Variants in TBC1D9 observed in about 807,000 individuals in gnomAD.
The protein encoded by TBC1D9 is TBC1 domain family member 9A.
A neutral mutation model predicts 132.0 loss-of-function variants in TBC1D9; 63 were observed. That is an observed-to-expected ratio of 0.48 (90% CI 0.39 to 0.59). TBC1D9 has a LOEUF of 0.59. TBC1D9 is among the 20% of genes least tolerant of loss of function. TBC1D9 has a pLI of 0.00. For missense variants in TBC1D9, 1,261 were observed against 1,592.7 expected (o/e 0.79, Z 3.54); for synonymous variants, 610 against 609.9 (o/e 1.00, Z 0.00).
chr4:140,648,710 G>A (rs1049526262), intron 13 of TBC1D9, among the ~76,000 whole-genome samples: 4 of 152,090 alleles, frequency 2.6e-5, no homozygotes, highest in South Asian at 2.1e-4. Flanking sequence ...CAAAGCAGAC[G>A]GTACTTCTTT....
Position 140,624,127 on chromosome 4 carries a change from T to G in TBC1D9, c.3067A>C (p.Lys1023Gln), listed in dbSNP as rs763762877. ...SKSKNAKDLPKLNQGQFIELC... is the reference protein window; with the variant it reads ...SKSKNAKDLPQLNQGQFIELC... ...CTTTAAGCACTTACCTGATTTAATT[T>G]GGGTAAATCCTTTGCATTCTTTGAC... The change falls in exon 20 of 21, where the codon AAA (lysine) becomes CAA (glutamine). Residue 1023 changes from lysine (K) to glutamine (Q), a missense_variant. This residue lies in a region of TBC1D9 where 618 missense variants were observed against 724.4 expected (regional missense o/e 0.85). Transcript: ENST00000442267. 1.3e-5 allele frequency: 21 copies of G among 1,606,246 alleles called. No homozygotes were observed. The African/African-American group carries it at 1.3e-4, about 10-fold the overall frequency.
At chr4:140,635,879 G>A (rs934707216) in intron 15 of TBC1D9, among the ~76,000 whole-genome samples, 3 of 152,200 alleles carry the variant, frequency 2.0e-5, no homozygotes, top group Non-Finnish European at 4.4e-5. Flanking sequence ...TGAGGTCAGA[G>A]TGGCCTGCTG....
At chr4:140,709,248 T>TCACACACACA (rs36222926) in intron 1 of TBC1D9, among the ~76,000 whole-genome samples, 125 of 104,186 alleles carry the variant, frequency 1.2e-3, no homozygotes, top group African/African-American at 5.2e-3. Context: ...TCTCTCTCTC[T>TCACACACACA]CACACACACA....
At chr4:140,697,010 C>T (rs1737970066) in intron 2 of TBC1D9, among the ~76,000 whole-genome samples, 1 of 152,066 alleles carries the variant, frequency 6.6e-6, no homozygotes, top group Non-Finnish European at 1.5e-5. Context: ...AAGGGAGAAG[C>T]TTCTGCTCTT....
chr4:140,719,101 C>T (rs1738383115), intron 1 of TBC1D9, among the ~76,000 whole-genome samples: 1 of 149,458 alleles, frequency 6.7e-6, no homozygotes, highest in Non-Finnish European at 1.5e-5. Flanking sequence ...GGCGACAGAG[C>T]AGGACTCCAT....
At chr4:140,689,460 TCCC>T (rs1737840588) in intron 2 of TBC1D9, among the ~76,000 whole-genome samples, 1 of 9,990 alleles carries the variant, frequency 1.0e-4, no homozygotes, top group Non-Finnish European at 1.9e-4. Flanking sequence ...CTTCCCCCCT[TCCC>T]TTCCCTTCCC....
Position 140,701,562 on chromosome 4 carries a change from A to C in TBC1D9, c.183T>G (p.Ala61=), listed in dbSNP as rs1174195577. 7 of 1,613,818 alleles carry C rather than the reference A, an allele frequency of 4.3e-6. No individual in the cohort carries two copies. In the African/African-American group the frequency reaches 9.3e-5, roughly 22 times the overall value. ...GAGTCTGGTACAAGATTCGGTAAGG[A>C]GCGACCCGGGCGCTGGAGTCCAACA... ...DVVLDSSARV[A]PYRILYQTPD... The change falls in exon 2 of 21, where the codon GCT becomes GCG. Residue 61 remains alanine, a synonymous_variant. Coordinates refer to ENST00000442267, the MANE Select transcript of TBC1D9 (RefSeq NM_015130.3).
At chr4:140,646,925 G>T (rs937686313) in intron 13 of TBC1D9, among the ~76,000 whole-genome samples, 1 of 152,204 alleles carries the variant, frequency 6.6e-6, no homozygotes, top group Non-Finnish European at 1.5e-5. Context: ...AGTAGGGGCT[G>T]CCATTAATGA....
At chr4:140,753,068 A>C (rs965034574) in intron 1 of TBC1D9, among the ~76,000 whole-genome samples, 1 of 152,076 alleles carries the variant, frequency 6.6e-6, no homozygotes, top group Non-Finnish European at 1.5e-5. Flanking sequence ...TTCTAAGCTC[A>C]AGCGTCACTT....
chr4:140,639,306 C>T lies in TBC1D9; in HGVS notation c.2436+24G>A, dbSNP rs1254770067. The T allele has an allele frequency of 5.7e-6, 9 of 1,579,638 alleles. No individual in the cohort carries two copies. The African/African-American group carries it at 6.7e-5, about 12-fold the overall frequency. On this transcript the variant is annotated intron_variant, in intron 14 of 20. Transcript: ENST00000442267. ...TGAAGAAGGAAGATGACAGAGGTTG[C>T]CTGCTACTTCTTAAAGGACTTACCA...
chr4:140,664,648 G>A (rs1737415087), intron 9 of TBC1D9, among the ~76,000 whole-genome samples: 2 of 152,172 alleles, frequency 1.3e-5, no homozygotes, highest in Admixed American at 1.3e-4. Context: ...AGATTTAAGA[G>A]TCCAGAAATA....
intron 6 of TBC1D9, 79 bp downstream of exon 6, chr4:140,676,814 TG>T (rs1281754423): frequency 1.9e-6 from 3 of 1,538,976 alleles, no homozygotes; most frequent in Non-Finnish European, 2.6e-6. Flanking sequence ...AGCCAATTGT[TG>T]GTAAAAAAAT....
intron 1 of TBC1D9, among the ~76,000 whole-genome samples, chr4:140,749,358 A>C (rs1300565459): frequency 6.6e-6 from 1 of 152,196 alleles, no homozygotes; most frequent in Non-Finnish European, 1.5e-5. Flanking sequence ...GTAACTTAAA[A>C]AGAATTATTC....
intron 16 of TBC1D9, among the ~76,000 whole-genome samples, chr4:140,630,403 A>C (rs1178488141): frequency 6.6e-6 from 1 of 152,204 alleles, no homozygotes; most frequent in Admixed American, 6.5e-5. Flanking sequence ...CTGACTGAAG[A>C]CAAAGAAGTT....
chr4:140,749,036 A>T (rs1738881912), intron 1 of TBC1D9, among the ~76,000 whole-genome samples: 1 of 152,138 alleles, frequency 6.6e-6, no homozygotes, highest in South Asian at 2.1e-4. Flanking sequence ...GGTCTTTGCA[A>T]TCTATGAGAA....
intron 1 of TBC1D9, 141 bp downstream of exon 1, chr4:140,755,775 G>T: frequency 7.7e-7 from 1 of 1,291,042 alleles, no homozygotes; most frequent in Non-Finnish European, 1.0e-6. Context: ...CACGACTCTC[G>T]ATGCCTCGCA....
At chr4:140,672,702 G>C (rs1244204077) in intron 6 of TBC1D9, among the ~76,000 whole-genome samples, 2 of 152,118 alleles carry the variant, frequency 1.3e-5, no homozygotes, top group Non-Finnish European at 2.9e-5. Context: ...AGTTCTAGCA[G>C]AACTCTATCA....
Position 140,678,380 on chromosome 4 carries a change from T to A in TBC1D9, c.851+562A>T, listed in dbSNP as rs941321111. ...ATTCCCTGTGTTGATGAAGGGTAAT[T>A]CCAGGCACATGGGGCATCAACTTTC... On this transcript the variant is annotated intron_variant, in intron 5 of 20. Transcript: ENST00000442267. Among the ~76,000 whole-genome samples the A allele has an allele frequency of 6.6e-5, 10 of 152,288 alleles. No homozygotes were observed. In the East Asian group the frequency reaches 1.7e-3, roughly 27 times the overall value.
rs1284107218 is a variant in TBC1D9 at position 140,677,087 on chromosome 4, C to G, written c.866G>C (p.Arg289Thr). 6.2e-7 allele frequency: 1 copy of G among 1,613,814 alleles called. No individual in the cohort carries two copies. Among genetic ancestry groups the G allele is most frequent in the Non-Finnish European group, 8.5e-7 (1 of 1,179,862 alleles). ...VSALKRDLDA[R>T]AKSERYRALF... is the part of the protein sequence containing the mutation. The stretch of plus-strand genomic sequence containing the variant: ...TGCACGGTATCTCTCACTCTTTGCC[C>G]TGGCATCAAGATCACTGGAAAGCAA... Residue 289 changes from arginine (R) to threonine (T), a missense_variant, in exon 6 of 21, where the codon AGG becomes ACG. Transcript: ENST00000442267.
Sources: gnomAD v4.1 joint callset for allele counts (sites outside exome capture counted in the v4.1 genomes callset) on GRCh38, gnomAD v4.1.1 for gene constraint, gnomAD v4.1.1 regional missense constraint, MANE v1.5 for transcripts, NCBI Gene and HGNC (gene_info 2026-07-23, HGNC 2026-07-21) for gene names.